TMEM106B: variants seen among roughly 807,000 people sequenced by gnomAD.
TMEM106B encodes transmembrane protein 106B.
TMEM106B carries 15 observed loss-of-function variants against 31.1 expected under a neutral mutation model. The ratio of observed to expected loss-of-function variants is 0.48; its 90% confidence interval spans 0.32 to 0.74. The LOEUF is 0.74. Ranked by LOEUF, TMEM106B falls within the 30% of genes least tolerant of loss-of-function variation. TMEM106B has a pLI of 0.03. For synonymous variants in TMEM106B, 126 were observed against 112.5 expected, an observed-to-expected ratio of 1.12 and a Z score of -0.76; for missense variants, 283 against 327.3, an observed-to-expected ratio of 0.86 and a Z score of 1.04.
chr7:12,238,873 T>G lies in TMEM106B; in HGVS notation c.*6898T>G, dbSNP rs2128529798. The G allele has an allele frequency of 6.6e-6, 1 of 152,212 alleles. No homozygotes were observed. The highest frequency in any genetic ancestry group is 1.5e-5 in the Non-Finnish European group (1 of 67,980). 9.4% of individuals were successfully genotyped at this position (152,212 alleles called of 1,614,324 possible). A position where few individuals can be genotyped will look rare whatever the true frequency, so the allele number is the denominator to read the frequency against. ...ATTTATTGAACACAGGCAGAGTAGGTAAAAGTTTTAAGGGTCCTAGGATTT... is the reference window on the plus strand; with the variant it reads ...ATTTATTGAACACAGGCAGAGTAGGGAAAAGTTTTAAGGGTCCTAGGATTT... On this transcript the variant is annotated 3_prime_UTR_variant, in exon 8 of 8. Coordinates refer to ENST00000396668, the MANE Select transcript of TMEM106B (RefSeq NM_001134232.2).
At position 12,231,041 on chromosome 7, in the gene TMEM106B, AC is replaced by A; in HGVS notation, c.633-20del. Reference sequence around the variant, plus strand: ...ATAATGTAGTAACTTGCATTTGTTCACATTTTAATTTCTTTAACAGTGATTT... The same window carrying A: ...ATAATGTAGTAACTTGCATTTGTTCAATTTTAATTTCTTTAACAGTGATTT... On this transcript the variant is annotated intron_variant, in intron 6 of 7. Coordinates refer to ENST00000396668, the MANE Select transcript of TMEM106B (RefSeq NM_001134232.2). 1 of 1,550,864 alleles carries A rather than the reference AC, an allele frequency of 6.4e-7. No homozygotes were observed. The highest frequency in any genetic ancestry group is 8.8e-7 in the Non-Finnish European group (1 of 1,139,266).
At chr7:12,222,961 C>G (rs6978684) in intron 3 of TMEM106B, among the ~76,000 whole-genome samples, 19,477 of 151,878 alleles carry the variant, frequency 0.13, 1,407 homozygotes, top group African/African-American at 0.2. Flanking sequence ...GTGGAAGAAA[C>G]AATAAAATGG....
chr7:12,223,536 G>T (rs767107062), intron 3 of TMEM106B, among the ~76,000 whole-genome samples: 1 of 128,338 alleles, frequency 7.8e-6, no homozygotes, highest in Non-Finnish European at 1.6e-5. Flanking sequence ...TCACTTTAGG[G>T]GATCATGTAA....
At chr7:12,225,672 T>C (rs908729135) in intron 4 of TMEM106B, among the ~76,000 whole-genome samples, 2 of 152,210 alleles carry the variant, frequency 1.3e-5, no homozygotes, top group African/African-American at 4.8e-5. Flanking sequence ...TGTCTTCTTT[T>C]GAGAAGTGTC....
In TMEM106B at chr7:12,232,052, T is replaced by C. The variant is rs1782036838; in HGVS notation, c.*77T>C. 3 of 1,402,868 alleles carry C rather than the reference T, an allele frequency of 2.1e-6. No homozygotes were observed. The highest frequency in any genetic ancestry group is 2.9e-5 in the South Asian group (2 of 68,314). 86.9% of individuals were successfully genotyped at this position (1,402,868 alleles called of 1,614,324 possible). A position where few individuals can be genotyped will look rare whatever the true frequency, so the allele number is the denominator to read the frequency against. On this transcript the variant is annotated 3_prime_UTR_variant, in exon 8 of 8. Coordinates refer to ENST00000396668, the MANE Select transcript of TMEM106B (RefSeq NM_001134232.2). ...CTCTCAATGAAGAGGTATTTCCTAATAGGAGACCTTAAATTGAACAAACCT... is the reference window on the plus strand; with the variant it reads ...CTCTCAATGAAGAGGTATTTCCTAACAGGAGACCTTAAATTGAACAAACCT...
Position 12,241,217 on chromosome 7 carries a change from T to C in TMEM106B, c.*9242T>C, listed in dbSNP as rs938378292. The stretch of plus-strand genomic sequence containing the variant: ...TTGCCCCAAAAAGATGAAATACAAA[T>C]AATTTTAATCCCAAATCTATTTCAG... On this transcript the variant is annotated 3_prime_UTR_variant, in exon 8 of 8. Coordinates refer to ENST00000396668, the MANE Select transcript of TMEM106B (RefSeq NM_001134232.2). 1.3e-5 allele frequency: 2 copies of C among 152,130 alleles called. No individual in the cohort carries two copies. Among genetic ancestry groups the C allele is most frequent in the Non-Finnish European group, 2.9e-5 (2 of 68,020 alleles). The allele number at this position is 152,130 out of a possible 1,614,324, so 9.4% of individuals were successfully genotyped here.
intron 6 of TMEM106B, chr7:12,230,782 TAAC>T (rs553664531): frequency 7.3e-4 from 247 of 336,436 alleles, no homozygotes; most frequent in African/African-American, 4.4e-3. Context: ...TTAGGGTAAA[TAAC>T]AACCTAGTTA....
At chr7:12,223,783 C>T (rs1032647434) in intron 3 of TMEM106B, among the ~76,000 whole-genome samples, 1 of 145,454 alleles carries the variant, frequency 6.9e-6, no homozygotes, top group African/African-American at 2.6e-5. Context: ...TGCGGTGGTG[C>T]GATCTCAGTT....
chr7:12,215,139 G>A, intron 2 of TMEM106B, 112 bp downstream of exon 2: 1 of 801,256 alleles, frequency 1.2e-6, no homozygotes, highest in Admixed American at 2.7e-5. Flanking sequence ...TAGAATTAAA[G>A]TTGAAACATC....
chr7:12,211,302 G>A lies in TMEM106B; in HGVS notation c.-126G>A, dbSNP rs1273367885. The stretch of plus-strand genomic sequence containing the variant: ...TACCCCTCCCCCGTCCCAGCTCTAC[G>A]GCGGCCGCGCGCTCCAGGCCGGTCG... On this transcript the variant is annotated 5_prime_UTR_variant, in exon 1 of 8. Transcript: ENST00000396668. 6.6e-6 allele frequency: 1 copy of A among 152,238 alleles called. No homozygotes were observed. Among genetic ancestry groups the A allele is most frequent in the Non-Finnish European group, 1.5e-5 (1 of 68,074 alleles). The allele number at this position is 152,238 out of a possible 1,614,324, so 9.4% of individuals were successfully genotyped here. A position where few individuals can be genotyped will look rare whatever the true frequency, so the allele number is the denominator to read the frequency against.
chr7:12,235,265 T>G lies in TMEM106B; in HGVS notation c.*3290T>G, dbSNP rs1243538214. The G allele has an allele frequency of 6.6e-6, 1 of 152,292 alleles. No homozygotes were observed. Among genetic ancestry groups the G allele is most frequent in the South Asian group, 2.1e-4 (1 of 4,838 alleles). The allele number at this position is 152,292 out of a possible 1,614,324, so 9.4% of individuals were successfully genotyped here. A position where few individuals can be genotyped will look rare whatever the true frequency, so the allele number is the denominator to read the frequency against. On this transcript the variant is annotated 3_prime_UTR_variant, in exon 8 of 8. Transcript: ENST00000396668. Reference sequence around the variant, plus strand: ...GTCTAAGGAAATTATTTATAAATAATAGAGATTAATTTATTTGAGATTTGA... The same window carrying G: ...GTCTAAGGAAATTATTTATAAATAAGAGAGATTAATTTATTTGAGATTTGA...
intron 3 of TMEM106B, among the ~76,000 whole-genome samples, chr7:12,223,998 C>T (rs377371794): frequency 2.0e-4 from 31 of 152,206 alleles, no homozygotes; most frequent in African/African-American, 7.2e-4. Flanking sequence ...GGATTACAGG[C>T]GTGAGCCACC....
chr7:12,229,956 C>A, intron 5 of TMEM106B, 137 bp downstream of exon 5: 1 of 951,984 alleles, frequency 1.1e-6, no homozygotes, highest in Non-Finnish European at 1.5e-6. Flanking sequence ...GTGGCTCATG[C>A]CTGTGATCCC....
chr7:12,217,291 C>G (rs1371633676), intron 2 of TMEM106B, among the ~76,000 whole-genome samples: 1 of 152,068 alleles, frequency 6.6e-6, no homozygotes, highest in African/African-American at 2.4e-5. Context: ...GTGGATAGAT[C>G]TGATAATAGA....
chr7:12,223,298 G>C (rs1313472827), intron 3 of TMEM106B, among the ~76,000 whole-genome samples: 2 of 152,004 alleles, frequency 1.3e-5, no homozygotes, highest in African/African-American at 2.4e-5. Context: ...CTCAAAAAAA[G>C]ACTAATTATA....
At chr7:12,225,642 G>C (rs541841003) in intron 4 of TMEM106B, among the ~76,000 whole-genome samples, 2 of 152,056 alleles carry the variant, frequency 1.3e-5, no homozygotes, top group African/African-American at 4.8e-5. Flanking sequence ...ATTTTTTCAT[G>C]TGTCTGTTGG....
At chr7:12,212,220 T>C (rs1209748427) in intron 1 of TMEM106B, among the ~76,000 whole-genome samples, 1 of 152,178 alleles carries the variant, frequency 6.6e-6, no homozygotes, top group Admixed American at 6.5e-5. Context: ...GTGTCTTTTT[T>C]CTCAACGCGC....
At chr7:12,213,303 CTG>C (rs577968867) in intron 1 of TMEM106B, among the ~76,000 whole-genome samples, 15 of 151,438 alleles carry the variant, frequency 9.9e-5, no homozygotes, top group African/African-American at 2.2e-4. Context: ...GAAAAAAAAA[CTG>C]TGATTTTGGA....
intron 2 of TMEM106B, chr7:12,215,587 AT>A: frequency 1.5e-5 from 5 of 329,220 alleles, no homozygotes; most frequent in South Asian, 2.7e-5. Flanking sequence ...TTAAAATTTT[AT>A]TTTTTTAATA....
Sources: gnomAD v4.1 joint callset for allele counts (sites outside exome capture counted in the v4.1 genomes callset) on GRCh38, gnomAD v4.1.1 for gene constraint, MANE v1.5 for transcripts, NCBI Gene and HGNC (gene_info 2026-07-23, HGNC 2026-07-21) for gene names.